POTEC: variants seen among roughly 807,000 people sequenced by gnomAD.
POTEC encodes ANKRD26-like family B member 2.
Under a neutral mutation model 62.0 loss-of-function variants are expected in POTEC, and 35 were observed. That is an observed-to-expected ratio of 0.56 (90% CI 0.43 to 0.75). The LOEUF (loss-of-function observed/expected upper bound fraction) is 0.75. Among genes scored for constraint, POTEC ranks in the 30% least tolerant of loss-of-function variants. POTEC has a pLI of 0.00. For missense variants in POTEC, 472 were observed against 655.9 expected, an observed-to-expected ratio of 0.72 and a Z score of 3.06; for synonymous variants, 156 against 221.5, an observed-to-expected ratio of 0.70 and a Z score of 2.62.
In POTEC at chr18:14,511,868, C is replaced by G; in HGVS notation, c.*30G>C. 1 of 1,609,592 alleles carries G rather than the reference C, an allele frequency of 6.2e-7. No homozygotes were observed. The highest frequency in any genetic ancestry group is 8.5e-7 in the Non-Finnish European group (1 of 1,176,406). ...TCAATTTCCTCCAAAATTTTATTTT[C>G]CCTTAGCTGGTTCTGATGTTTTGTT... On this transcript the variant is annotated 3_prime_UTR_variant, in exon 11 of 11. Coordinates refer to ENST00000358970, the MANE Select transcript of POTEC (RefSeq NM_001137671.2).
At chr18:14,518,333 A>G (rs1910218795) in intron 9 of POTEC, among the ~76,000 whole-genome samples, 1 of 151,134 alleles carries the variant, frequency 6.6e-6, no homozygotes, top group Non-Finnish European at 1.5e-5. Flanking sequence ...TGAAATGTTT[A>G]TGTGTTTGAT....
rs1909921590 is a variant in POTEC at position 14,509,024 on chromosome 18, T to G, written c.*2874A>C. On this transcript the variant is annotated 3_prime_UTR_variant, in exon 11 of 11. Transcript: ENST00000358970. ...AACATGCAGCTCCCAATTCTTGGACTGTGTGCTTTAACTCTGGGGAACTTG... is the reference window on the plus strand; with the variant it reads ...AACATGCAGCTCCCAATTCTTGGACGGTGTGCTTTAACTCTGGGGAACTTG... 6.6e-6 allele frequency: 1 copy of G among 152,262 alleles called. No individual in the cohort carries two copies. Among genetic ancestry groups the G allele is most frequent in the Admixed American group, 6.5e-5 (1 of 15,286 alleles). 9.4% of individuals were successfully genotyped at this position (152,262 alleles called of 1,614,324 possible). A position where few individuals can be genotyped will look rare whatever the true frequency, so the allele number is the denominator to read the frequency against.
chr18:14,532,684 T>C (rs1382243481), intron 5 of POTEC, among the ~76,000 whole-genome samples: 1 of 152,172 alleles, frequency 6.6e-6, no homozygotes, highest in Non-Finnish European at 1.5e-5. Context: ...ATGTAGGAGA[T>C]AGTCCCCAGA....
Position 14,509,491 on chromosome 18 carries a change from C to T in POTEC, c.*2407G>A, listed in dbSNP as rs1364829667. On this transcript the variant is annotated 3_prime_UTR_variant, in exon 11 of 11. Coordinates refer to ENST00000358970, the MANE Select transcript of POTEC (RefSeq NM_001137671.2). ...TTCCCATATGCTGTTAGGGCAAGTA[C>T]AACAAAACCCACCTGTGTAAACACA... 1 of 151,826 alleles carries T rather than the reference C, an allele frequency of 6.6e-6. No homozygotes were observed. Among genetic ancestry groups the T allele is most frequent in the East Asian group, 2.0e-4 (1 of 5,098 alleles). 9.4% of individuals were successfully genotyped at this position (151,826 alleles called of 1,614,324 possible).
chr18:14,524,046 AT>A (rs1234090635), intron 7 of POTEC, among the ~76,000 whole-genome samples: 1 of 152,162 alleles, frequency 6.6e-6, no homozygotes, highest in Non-Finnish European at 1.5e-5. Flanking sequence ...AGAAATGCAA[AT>A]TCTTAAATTT....
chr18:14,515,653 C>CAAACAAAT (rs1555622864), intron 9 of POTEC, among the ~76,000 whole-genome samples: 2 of 149,316 alleles, frequency 1.3e-5, no homozygotes, highest in African/African-American at 4.9e-5. Context: ...AATAAATAAA[C>CAAACAAAT]AAATAAATAA....
rs1308604419 is a variant in POTEC, at chr18:14,537,204, CACACACAAAA to C, written c.810+587_810+596del. On this transcript the variant is annotated intron_variant, in intron 3 of 10. Coordinates refer to ENST00000358970, the MANE Select transcript of POTEC (RefSeq NM_001137671.2). The stretch of plus-strand genomic sequence containing the variant: ...ACACACACACACACACACACACACA[CACACACAAAA>C]AAAAAAAAAAACAAAAAAAAACCTC... Among the ~76,000 whole-genome samples, 61 of 77,144 alleles carry C rather than the reference CACACACAAAA, an allele frequency of 7.9e-4. 1 individual carries two copies. The highest frequency in any genetic ancestry group is 5.1e-3 in the South Asian group (9 of 1,756). The allele number at this position is 77,144 out of a possible 152,430, so 50.6% of individuals were successfully genotyped here.
intron 9 of POTEC, among the ~76,000 whole-genome samples, chr18:14,515,468 G>A (rs1356483283): frequency 1.3e-5 from 2 of 151,948 alleles, no homozygotes; most frequent in Non-Finnish European, 2.9e-5. Context: ...TTCAACAAAT[G>A]GTGCTGGGAA....
chr18:14,537,200 CACACACACACA>C lies in POTEC; in HGVS notation c.810+590_810+600del, dbSNP rs1486468836. On this transcript the variant is annotated intron_variant, in intron 3 of 10. Transcript: ENST00000358970. The stretch of plus-strand genomic sequence containing the variant: ...ACACACACACACACACACACACACA[CACACACACACA>C]AAAAAAAAAAAAAACAAAAAAAAAC... Among the ~76,000 whole-genome samples, 125 of 82,422 alleles carry C rather than the reference CACACACACACA, an allele frequency of 1.5e-3. 1 individual carries two copies. Among genetic ancestry groups the C allele is most frequent in the African/African-American group, 8.3e-3 (119 of 14,254 alleles). The allele number at this position is 82,422 out of a possible 152,430, so 54.1% of individuals were successfully genotyped here. A position where few individuals can be genotyped will look rare whatever the true frequency, so the allele number is the denominator to read the frequency against.
At chr18:14,538,109 C>T (rs959195165) in intron 2 of POTEC, 26 bp downstream of exon 2, 47 of 1,534,696 alleles carry the variant, frequency 3.1e-5, no homozygotes, top group African/African-American at 4.2e-5. Flanking sequence ...ACCCATCTCA[C>T]GCTGATATAG....
In POTEC at chr18:14,522,475, C is replaced by A. The variant is rs1910336745; in HGVS notation, c.1243-55G>T. ...TTATCACTTTATTGAATAAAAATAA[C>A]CTTTTTAATTGATTTTATCAATTGA... On this transcript the variant is annotated intron_variant, in intron 8 of 10. Transcript: ENST00000358970. 1.2e-5 allele frequency: 18 copies of A among 1,475,360 alleles called. No individual in the cohort carries two copies. In the East Asian group the frequency reaches 3.8e-4, roughly 31 times the overall value. 91.4% of individuals were successfully genotyped at this position (1,475,360 alleles called of 1,614,324 possible).
At chr18:14,514,759 CA>C (rs1215466641) in intron 9 of POTEC, among the ~76,000 whole-genome samples, 4 of 152,000 alleles carry the variant, frequency 2.6e-5, no homozygotes, top group Non-Finnish European at 5.9e-5. Flanking sequence ...AAGAGAAAGT[CA>C]AACTCTCTCT....
Position 14,543,520 on chromosome 18 carries a change from C to T in POTEC, c.-374G>A, listed in dbSNP as rs1308846545. 3 of 392,866 alleles carry T rather than the reference C, an allele frequency of 7.6e-6. No individual in the cohort carries two copies. The highest frequency in any genetic ancestry group is 5.7e-5 in the East Asian group (1 of 17,524). 24.3% of individuals were successfully genotyped at this position (392,866 alleles called of 1,614,324 possible). ...AAGAAACACCAGGCAAAGCGACTAA[C>T]GCCAAGCCAAGCTAGGAACGCAAGG... On this transcript the variant is annotated 5_prime_UTR_variant, in exon 1 of 11. Transcript: ENST00000358970.
rs1484769802 is a variant in POTEC, at chr18:14,509,184, G to A, written c.*2714C>T. ...GCCTCCCTGTGGGCATTCACCCAGT[G>A]GTGGAGGCAAAACAGCTGGGGTGTG... On this transcript the variant is annotated 3_prime_UTR_variant, in exon 11 of 11. Coordinates refer to ENST00000358970, the MANE Select transcript of POTEC (RefSeq NM_001137671.2). 1.3e-5 allele frequency: 2 copies of A among 152,316 alleles called. No individual in the cohort carries two copies. Among genetic ancestry groups the A allele is most frequent in the Non-Finnish European group, 2.9e-5 (2 of 68,130 alleles). The allele number at this position is 152,316 out of a possible 1,614,324, so 9.4% of individuals were successfully genotyped here. A position where few individuals can be genotyped will look rare whatever the true frequency, so the allele number is the denominator to read the frequency against.
Position 14,510,466 on chromosome 18 carries a change from G to A in POTEC, c.*1432C>T, listed in dbSNP as rs1222353680. On this transcript the variant is annotated 3_prime_UTR_variant, in exon 11 of 11. Coordinates refer to ENST00000358970, the MANE Select transcript of POTEC (RefSeq NM_001137671.2). ...AAGACCTGCCCATCGAGGAGATATG[G>A]AAATGGGCACCCACATAACAGTCTG... 1.3e-5 allele frequency: 2 copies of A among 151,724 alleles called. No homozygotes were observed. The highest frequency in any genetic ancestry group is 4.8e-5 in the African/African-American group (2 of 41,264). The allele number at this position is 151,724 out of a possible 1,614,324, so 9.4% of individuals were successfully genotyped here. A position where few individuals can be genotyped will look rare whatever the true frequency, so the allele number is the denominator to read the frequency against.
intron 1 of POTEC, among the ~76,000 whole-genome samples, chr18:14,541,640 G>A (rs184533635): frequency 0.07 from 10,637 of 152,050 alleles, 875 homozygotes; most frequent in East Asian, 0.41. Context: ...GTCTGTCTCA[G>A]AAAAATAAAT....
intron 6 of POTEC, 73 bp downstream of exon 6, chr18:14,530,410 C>T (rs180740108): frequency 1.9e-6 from 3 of 1,594,564 alleles, no homozygotes; most frequent in Non-Finnish European, 2.6e-6. Flanking sequence ...CACTGTCTTC[C>T]ACAAAACTGG....
chr18:14,523,910 A>G, intron 7 of POTEC, among the ~76,000 whole-genome samples: 1 of 152,168 alleles, frequency 6.6e-6, no homozygotes, highest in East Asian at 1.9e-4. Flanking sequence ...ACTTGAAAAG[A>G]GCGTATCTCA....
At chr18:14,518,349 G>C (rs1598477466) in intron 9 of POTEC, among the ~76,000 whole-genome samples, 1 of 151,112 alleles carries the variant, frequency 6.6e-6, no homozygotes, top group Admixed American at 6.6e-5. Flanking sequence ...TTGATGGGGA[G>C]GGTGGTGGGA....
Sources: gnomAD v4.1 joint callset for allele counts (sites outside exome capture counted in the v4.1 genomes callset) on GRCh38, gnomAD v4.1.1 for gene constraint, MANE v1.5 for transcripts, NCBI Gene and HGNC (gene_info 2026-07-23, HGNC 2026-07-21) for gene names.